UPF1: variants seen among roughly 807,000 people sequenced by gnomAD.
The protein encoded by UPF1 is regulator of nonsense transcripts 1.
In UPF1, 9 loss-of-function variants were observed where a neutral mutation model predicts 129.2. The ratio of observed to expected loss-of-function variants is 0.07; its 90% CI spans 0.04 to 0.12. The LOEUF is 0.12. Ranked by LOEUF, UPF1 falls within the 10% of genes least tolerant of loss-of-function variation. UPF1 has a pLI of 1.00. For synonymous variants in UPF1, 649 were observed against 644.9 expected, an observed-to-expected ratio of 1.01 and a Z score of -0.10; for missense variants, 788 against 1,525.3, an observed-to-expected ratio of 0.52 and a Z score of 8.05.
rs1336966015 is a variant in UPF1 at position 18,865,456 on chromosome 19, C to T, written c.3019+6C>T. The T allele has an allele frequency of 1.2e-6, 2 of 1,612,672 alleles. No homozygotes were observed. Among genetic ancestry groups the T allele is most frequent in the Non-Finnish European group, 1.7e-6 (2 of 1,178,942 alleles). ...AGCCAACGGGCCTGCTGCAGGTGAG[C>T]ATCTGTGGCTGCGGCTGGGTGTGGC... On this transcript the variant is annotated splice_donor_region_variant and intron_variant, in intron 21 of 23. Transcript: ENST00000262803. The surrounding 1 kb of genome is among the most constrained non-coding windows in gnomAD (Gnocchi z 6.1).
At chr19:18,862,297 T>G (rs557700537) in intron 18 of UPF1, 145 bp downstream of exon 18, 6 of 1,341,874 alleles carry the variant, frequency 4.5e-6, no homozygotes, top group South Asian at 2.9e-5. Context: ...ACTGGAGAGA[T>G]CTTTGTTTCC....
rs976621658 is a variant in UPF1 at position 18,853,484 on chromosome 19, C to T, written c.1156+134C>T. On this transcript the variant is annotated intron_variant, in intron 8 of 23. Coordinates refer to ENST00000262803, the MANE Select transcript of UPF1 (RefSeq NM_002911.4). The surrounding 1 kb of genome is among the most constrained non-coding windows in gnomAD (Gnocchi z 4.4). ...CTCTGTGGTGGGTGCTGGTTGGCAT[C>T]GCCCTCCACTGCTCTTAGGAGAATC... The T allele has an allele frequency of 2.5e-5, 20 of 808,464 alleles. No individual in the cohort carries two copies. The highest frequency in any genetic ancestry group is 1.9e-4 in the South Asian group (10 of 52,200). The allele number at this position is 808,464 out of a possible 1,614,324, so 50.1% of individuals were successfully genotyped here.
chr19:18,857,192 G>T, intron 14 of UPF1, 128 bp from the exon 15 acceptor site: 1 of 1,461,856 alleles, frequency 6.8e-7, no homozygotes, highest in South Asian at 1.3e-5. Context: ...TCCAGTGTGC[G>T]TGGTGAGCAA....
rs2055657136 is a variant in UPF1 at position 18,851,331 on chromosome 19, G to C, written c.810+463G>C. 6.6e-6 allele frequency among the ~76,000 whole-genome samples: 1 copy of C among 152,208 alleles called. No homozygotes were observed. The highest frequency in any genetic ancestry group is 2.4e-5 in the African/African-American group (1 of 41,446). ...GTGGGTGCCTGGCCCTCCTTCCACAGACAGCCCTCACTTTTCCCCACGGAA... is the reference window on the plus strand; with the variant it reads ...GTGGGTGCCTGGCCCTCCTTCCACACACAGCCCTCACTTTTCCCCACGGAA... On this transcript the variant is annotated intron_variant, in intron 5 of 23. Transcript: ENST00000262803. The surrounding 1 kb of genome is among the most constrained non-coding windows in gnomAD (Gnocchi z 4.2).
intron 1 of UPF1, among the ~76,000 whole-genome samples, chr19:18,841,933 T>C (rs1048192030): frequency 1.3e-5 from 2 of 152,168 alleles, no homozygotes; most frequent in African/African-American, 2.4e-5. Context: ...AGGCAACATA[T>C]TGAAAAATTA....
chr19:18,857,626 C>G, intron 15 of UPF1, 93 bp downstream of exon 15: 4 of 1,387,996 alleles, frequency 2.9e-6, no homozygotes, highest in Non-Finnish European at 3.8e-6. Context: ...ATCAGCTTCC[C>G]CTGAGCGGCT....
Position 18,868,157 on chromosome 19 carries a change from G to A in UPF1, c.*1640G>A. 4.2e-6 allele frequency: 1 copy of A among 236,578 alleles called. No individual in the cohort carries two copies. Among genetic ancestry groups the A allele is most frequent in the Non-Finnish European group, 8.5e-6 (1 of 117,514 alleles). 14.7% of individuals were successfully genotyped at this position (236,578 alleles called of 1,614,324 possible). A position where few individuals can be genotyped will look rare whatever the true frequency, so the allele number is the denominator to read the frequency against. On this transcript the variant is annotated 3_prime_UTR_variant, in exon 24 of 24. Transcript: ENST00000262803. ...GACAAACCCAGGCGCACTGTACCAA[G>A]GCAATGTAACTTTTGATTTTCGGTC...
chr19:18,852,953 G>A (rs199589822), intron 6 of UPF1, 34 bp from the exon 7 acceptor site: 2 of 1,588,722 alleles, frequency 1.3e-6, no homozygotes, highest in East Asian at 4.5e-5. Flanking sequence ...CTGTGCTGGA[G>A]GCTAACCGGG....
At chr19:18,861,870 G>T (rs73526918) in intron 17 of UPF1, 140 bp from the exon 18 acceptor site, 2 of 1,113,394 alleles carry the variant, frequency 1.8e-6, no homozygotes, top group African/African-American at 3.2e-5. Context: ...AGCCAGGACA[G>T]CCCCTAGGTG....
In UPF1 at chr19:18,852,118, G is replaced by A; in HGVS notation, c.811-17G>A. ...GGAAAAACAGGACGAGTGTGGCGCG[G>A]TGTTGTTGTCTTCTAGGAAAACCCT... On this transcript the variant is annotated splice_polypyrimidine_tract_variant and intron_variant, in intron 5 of 23. Coordinates refer to ENST00000262803, the MANE Select transcript of UPF1 (RefSeq NM_002911.4). 1 of 1,596,986 alleles carries A rather than the reference G, an allele frequency of 6.3e-7. No homozygotes were observed. The highest frequency in any genetic ancestry group is 8.5e-7 in the Non-Finnish European group (1 of 1,171,744).
Position 18,832,247 on chromosome 19 carries a change from T to C in UPF1, c.38T>C (p.Leu13Pro). 1 of 1,551,336 alleles carries C rather than the reference T, an allele frequency of 6.4e-7. No homozygotes were observed. Among genetic ancestry groups the C allele is most frequent in the Non-Finnish European group, 8.7e-7 (1 of 1,148,816 alleles). Residue 13 changes from leucine (L) to proline (P), a missense_variant, in exon 1 of 24, where the codon CTC becomes CCC. Leu to Pro is a moderately conservative substitution (Grantham distance 98, BLOSUM62 -3). Coordinates refer to ENST00000262803, the MANE Select transcript of UPF1 (RefSeq NM_002911.4). This position sits in a 1 kb window ranked among gnomAD's most constrained non-coding sequence, Gnocchi z 5.6. ...VEAYGPSSQTLTFLDTEEAEL... is the reference protein window; with the variant it reads ...VEAYGPSSQTPTFLDTEEAEL... The stretch of plus-strand genomic sequence containing the variant: ...GCGTACGGGCCCAGCTCGCAGACTC[T>C]CACTTTCCTGGACACGGAGGAGGCC...
chr19:18,857,056 CGTGT>C, intron 14 of UPF1, 36 bp downstream of exon 14: 1 of 1,590,688 alleles, frequency 6.3e-7, no homozygotes, highest in Admixed American at 1.8e-5. Flanking sequence ...TGTGAAAACT[CGTGT>C]GTGTGATTCT....
At chr19:18,837,280 G>A (rs1343870233) in intron 1 of UPF1, among the ~76,000 whole-genome samples, 1 of 152,050 alleles carries the variant, frequency 6.6e-6, no homozygotes, top group African/African-American at 2.4e-5. Flanking sequence ...GTAGAGATGG[G>A]GTTTTGCCAT....
chr19:18,832,659 C>G lies in UPF1; in HGVS notation c.231+219C>G, dbSNP rs1601088329. On this transcript the variant is annotated intron_variant, in intron 1 of 23. Coordinates refer to ENST00000262803, the MANE Select transcript of UPF1 (RefSeq NM_002911.4). The surrounding 1 kb of genome is among the most constrained non-coding windows in gnomAD (Gnocchi z 5.6). ...CCTGGCCTGATCTGCCCCGGGTCCC[C>G]CGCTCCGGCCGCGACCTGGCTGAGT... Among the ~76,000 whole-genome samples, 1 of 152,230 alleles carries G rather than the reference C, an allele frequency of 6.6e-6. No individual in the cohort carries two copies. Among genetic ancestry groups the G allele is most frequent in the Non-Finnish European group, 1.5e-5 (1 of 68,022 alleles).
chr19:18,855,516 T>G, intron 11 of UPF1: 2 of 546,120 alleles, frequency 3.7e-6, no homozygotes, highest in East Asian at 3.2e-5. Context: ...CGGCACTTTA[T>G]AGTGTGGCGG....
chr19:18,850,864 G>T lies in UPF1; in HGVS notation c.806G>T (p.Trp269Leu). The T allele has an allele frequency of 6.3e-7, 1 of 1,580,950 alleles. No individual in the cohort carries two copies. Among genetic ancestry groups the T allele is most frequent in the East Asian group, 2.3e-5 (1 of 43,800 alleles). Residue 269 changes from tryptophan to leucine, a missense_variant, in exon 5 of 24, where the codon TGG becomes TTG. Around this residue, in one of 6 missense-constraint regions of UPF1, gnomAD observed 227 missense variants for 517.9 expected, o/e 0.44. Transcript: ENST00000262803. The surrounding 1 kb of genome is among the most constrained non-coding windows in gnomAD (Gnocchi z 7.1). ...CAGATCAACAAGCTGGAGGAGCTGT[G>T]GAAGGTGGGGCTGCCCAGCGGGCCG... ...AQQINKLEEL[W>L]KENPSATLED...
At chr19:18,862,185 C>A (rs773227212) in intron 18 of UPF1, 33 bp downstream of exon 18, 3 of 1,606,768 alleles carry the variant, frequency 1.9e-6, no homozygotes, top group South Asian at 1.1e-5. Context: ...GCTGCCCAGC[C>A]GCTCATCGGT....
chr19:18,866,192 C>T (rs770425624), intron 23 of UPF1, 26 bp downstream of exon 23: 2 of 1,550,128 alleles, frequency 1.3e-6, no homozygotes, highest in Middle Eastern at 3.6e-4. Context: ...GCAGGCCTGG[C>T]CCCACCCCAG....
rs371929470 is a variant in UPF1, at chr19:18,856,909, C to T, written c.1857C>T (p.Gly619=). ...ATGTCATCTGCTGCACATGTGTGGG[C>T]GCCGGTGACCCGAGGCTGGCCAAGA... ...NADVICCTCV[G]AGDPRLAKMQ... is the part of the protein sequence containing the mutation. Residue 619 remains glycine (G), a synonymous_variant, in exon 14 of 24, where the codon GGC becomes GGT. Coordinates refer to ENST00000262803, the MANE Select transcript of UPF1 (RefSeq NM_002911.4). The T allele has an allele frequency of 5.6e-5, 90 of 1,611,888 alleles. 1 individual carries two copies. The highest frequency in any genetic ancestry group is 6.4e-5 in the Non-Finnish European group (75 of 1,179,936).
Sources: gnomAD v4.1 joint callset for allele counts (sites outside exome capture counted in the v4.1 genomes callset) on GRCh38, gnomAD v4.1.1 for gene constraint, gnomAD v4.1.1 regional missense constraint, Gnocchi (gnomAD v3.1) non-coding constraint, MANE v1.5 for transcripts, NCBI Gene and HGNC (gene_info 2026-07-23, HGNC 2026-07-21) for gene names.